SPTBN1: variants seen among roughly 807,000 people sequenced by gnomAD.
The protein encoded by SPTBN1 is spectrin beta chain, non-erythrocytic 1.
In SPTBN1, 32 loss-of-function variants were observed where a neutral mutation model predicts 266.4. That is an observed-to-expected ratio of 0.12 (90% CI 0.09 to 0.16). The LOEUF (loss-of-function observed/expected upper bound fraction) is 0.16. SPTBN1 is among the 10% of genes least tolerant of loss of function. The pLI, the probability that SPTBN1 is intolerant of heterozygous loss-of-function variation, is 1.00. For missense variants in SPTBN1, 2,296 were observed against 3,067.1 expected (o/e 0.75, Z 5.94); for synonymous variants, 1,336 against 1,162.2 (o/e 1.15, Z -3.04).
At position 54,533,274 on chromosome 2, in the gene SPTBN1, C is replaced by A. The variant is rs984391486; in HGVS notation, c.148+6708C>A. Among the ~76,000 whole-genome samples the A allele has an allele frequency of 5.3e-5, 8 of 151,632 alleles. No homozygotes were observed. The highest frequency in any genetic ancestry group is 1.9e-4 in the African/African-American group (8 of 41,220). Reference sequence around the variant, plus strand: ...TGAATTGCCTATTTCTTCAGTTTTTCATTTCATATTTCCAGACCATGGTTG... The same window carrying A: ...TGAATTGCCTATTTCTTCAGTTTTTAATTTCATATTTCCAGACCATGGTTG... On this transcript the variant is annotated intron_variant, in intron 2 of 35. Coordinates refer to ENST00000356805, the MANE Select transcript of SPTBN1 (RefSeq NM_003128.3). The surrounding 1 kb of genome is among the most constrained non-coding windows in gnomAD (Gnocchi z 4.2).
At position 54,659,164 on chromosome 2, in the gene SPTBN1, T is replaced by C; in HGVS notation, c.6254T>C (p.Leu2085Pro). Residue 2085 changes from leucine (L) to proline (P), a missense_variant, in exon 31 of 36, where the codon CTG becomes CCG. Physicochemically the swap from Leu to Pro is moderately conservative, Grantham distance 98. Transcript: ENST00000356805. ...TCTATTTTCTCTTAGTTGGAGTTACTGGAAGTGCGCAGACAGCAAGAGGAA... is the reference window on the plus strand; with the variant it reads ...TCTATTTTCTCTTAGTTGGAGTTACCGGAAGTGCGCAGACAGCAAGAGGAA... ...ALERLTTLEL[L>P]EVRRQQEEEE... 1 of 1,613,970 alleles carries C rather than the reference T, an allele frequency of 6.2e-7. No individual in the cohort carries two copies. The highest frequency in any genetic ancestry group is 8.5e-7 in the Non-Finnish European group (1 of 1,179,932).
At position 54,629,940 on chromosome 2, in the gene SPTBN1, A is replaced by C; in HGVS notation, c.2718A>C (p.Ala906=). 1 of 1,614,156 alleles carries C rather than the reference A, an allele frequency of 6.2e-7. No individual in the cohort carries two copies. The highest frequency in any genetic ancestry group is 1.3e-5 in the African/African-American group (1 of 75,064). The part of the protein sequence containing the change: ...PEMNNQASRV[A]VVNQIARQLM... ...TGAACAACCAGGCTTCCCGGGTTGCAGTGGTGAACCAGATTGCACGCCAGC... is the reference window on the plus strand; with the variant it reads ...TGAACAACCAGGCTTCCCGGGTTGCCGTGGTGAACCAGATTGCACGCCAGC... Residue 906 remains alanine, a synonymous_variant, in exon 15 of 36, where the codon GCA becomes GCC. Coordinates refer to ENST00000356805, the MANE Select transcript of SPTBN1 (RefSeq NM_003128.3).
intron 2 of SPTBN1, chr2:54,529,611 A>C: frequency 1.4e-6 from 1 of 721,738 alleles, no homozygotes; most frequent in South Asian, 1.3e-5. Flanking sequence ...GCCATGAAGA[A>C]GATAAAAGAC....
Position 54,622,409 on chromosome 2 carries a change from A to G in SPTBN1, c.986A>G (p.Lys329Arg). The change falls in exon 9 of 36, where the codon AAA (lysine) becomes AGA (arginine). Residue 329 changes from lysine to arginine, a missense_variant. Physicochemically the swap from Lys to Arg is conservative, Grantham distance 26. Transcript: ENST00000356805. ...ACCATCATCATTCTGAACAATCGCA[A>G]ATTTGCCAATTCACTGGTCGGGGTT... ...EQTIIILNNR[K>R]FANSLVGVQQ... The G allele has an allele frequency of 1.2e-6, 2 of 1,614,160 alleles. No individual in the cohort carries two copies. The highest frequency in any genetic ancestry group is 1.7e-6 in the Non-Finnish European group (2 of 1,180,028).
At position 54,487,170 on chromosome 2, in the gene SPTBN1, C is replaced by CTTT. The variant is rs34779689; in HGVS notation, c.-48+30670_-48+30672dup. 2.5e-3 allele frequency among the ~76,000 whole-genome samples: 249 copies of CTTT among 98,492 alleles called. 3 individuals carry two copies. The highest frequency in any genetic ancestry group is 7.5e-3 in the African/African-American group (174 of 23,330). The allele number at this position is 98,492 out of a possible 152,430, so 64.6% of individuals were successfully genotyped here. On this transcript the variant is annotated intron_variant, in intron 1 of 35. Coordinates refer to ENST00000356805, the MANE Select transcript of SPTBN1 (RefSeq NM_003128.3). Reference sequence around the variant, plus strand: ...TTTTCTGATTTCCTCATTAGGATTTCTTTTTTTTTTTTTTTTTTTTGCTGC... The same window carrying CTTT: ...TTTTCTGATTTCCTCATTAGGATTTCTTTTTTTTTTTTTTTTTTTTTTTGCTGC...
intron 15 of SPTBN1, 137 bp downstream of exon 15, chr2:54,630,166 CCTGCCT>C (rs1678637600): frequency 1.7e-5 from 20 of 1,176,048 alleles, no homozygotes; most frequent in Admixed American, 7.7e-5. Context: ...GGCATTGGCA[CCTGCCT>C]TTTGACATGT....
intron 19 of SPTBN1, 47 bp from the exon 20 acceptor site, chr2:54,644,276 C>G: frequency 6.4e-7 from 1 of 1,570,944 alleles, no homozygotes; most frequent in Non-Finnish European, 8.7e-7. Flanking sequence ...GACATTTTTT[C>G]TGTAGCAAAC....
At chr2:54,652,457 A>G (rs1558471945) in intron 26 of SPTBN1, 1 of 152,142 alleles carries the variant, frequency 6.6e-6, no homozygotes, top group Non-Finnish European at 1.5e-5. Context: ...CTCCTGCTGG[A>G]TGCACCATCA....
At chr2:54,526,885 A>G (rs897425804) in intron 2 of SPTBN1, 3 of 208,210 alleles carry the variant, frequency 1.4e-5, no homozygotes, top group African/African-American at 2.3e-5. Flanking sequence ...ACTATTCCTT[A>G]TACTCAAAAA....
intron 2 of SPTBN1, chr2:54,526,776 G>A (rs1670843289): frequency 6.5e-6 from 3 of 464,822 alleles, no homozygotes; most frequent in Middle Eastern, 5.6e-4. Context: ...ATTATTCAGA[G>A]CACAGAGTGT....
At chr2:54,577,931 GAC>G (rs923207393) in intron 2 of SPTBN1, among the ~76,000 whole-genome samples, 15 of 132,138 alleles carry the variant, frequency 1.1e-4, no homozygotes, top group Middle Eastern at 7.6e-3. Context: ...GATTTGCTGA[GAC>G]TCTCACTCTT....
intron 18 of SPTBN1, among the ~76,000 whole-genome samples, chr2:54,640,393 C>T (rs1263511799): frequency 6.6e-6 from 1 of 151,832 alleles, no homozygotes; most frequent in African/African-American, 2.4e-5. Context: ...TAAGATCCGC[C>T]CCTGTTACCA....
chr2:54,500,392 G>GT lies in SPTBN1; in HGVS notation c.-47-25971dup, dbSNP rs201147767. On this transcript the variant is annotated intron_variant, in intron 1 of 35. Transcript: ENST00000356805. ...TCCCTTTCTTTGAGAGATTTGTTCT[G>GT]TTTTTTTTTCATCTCGATCCACTGT... Among the ~76,000 whole-genome samples, 155 of 150,010 alleles carry GT rather than the reference G, an allele frequency of 1.0e-3. 1 individual carries two copies. Among genetic ancestry groups the GT allele is most frequent in the African/African-American group, 2.7e-3 (111 of 40,806 alleles).
chr2:54,614,796 CAAAAA>C (rs112685418), intron 4 of SPTBN1, among the ~76,000 whole-genome samples: 1 of 119,556 alleles, frequency 8.4e-6, no homozygotes, highest in East Asian at 2.4e-4. Context: ...GAGACTGTCT[CAAAAA>C]AAAAAAAAAG....
At chr2:54,526,225 G>T in intron 1 of SPTBN1, 147 bp from the exon 2 acceptor site, 1 of 593,744 alleles carries the variant, frequency 1.7e-6, no homozygotes. Context: ...TTATGAGACA[G>T]TGCTAAAACC....
intron 29 of SPTBN1, among the ~76,000 whole-genome samples, chr2:54,657,331 G>C (rs1680738767): frequency 6.6e-6 from 1 of 152,192 alleles, no homozygotes; most frequent in Admixed American, 6.5e-5. Context: ...CTGGCTACGT[G>C]TAGATTGTGA....
At chr2:54,492,243 A>C (rs1204685039) in intron 1 of SPTBN1, among the ~76,000 whole-genome samples, 1 of 151,728 alleles carries the variant, frequency 6.6e-6, no homozygotes, top group Non-Finnish European at 1.5e-5. Context: ...ATGCTAAAAA[A>C]TTGTTTTGAA....
chr2:54,489,547 A>G lies in SPTBN1; in HGVS notation c.-48+33029A>G, dbSNP rs1668577627. Reference sequence around the variant, plus strand: ...GAAACCCCGTCTTACTAAAAATACAAAAATTAGCCAGGCGTGGTGGTGTGC... The same window carrying G: ...GAAACCCCGTCTTACTAAAAATACAGAAATTAGCCAGGCGTGGTGGTGTGC... On this transcript the variant is annotated intron_variant, in intron 1 of 35. Coordinates refer to ENST00000356805, the MANE Select transcript of SPTBN1 (RefSeq NM_003128.3). Among the ~76,000 whole-genome samples, 4 of 152,130 alleles carry G rather than the reference A, an allele frequency of 2.6e-5. No homozygotes were observed. The South Asian group carries it at 8.3e-4, about 32-fold the overall frequency.
At chr2:54,608,435 T>C (rs1297337394) in intron 3 of SPTBN1, among the ~76,000 whole-genome samples, 1 of 151,838 alleles carries the variant, frequency 6.6e-6, no homozygotes, top group African/African-American at 2.4e-5. Context: ...CCTTGGAAGG[T>C]AGGTAGGTGT....
Sources: gnomAD v4.1 joint callset for allele counts (sites outside exome capture counted in the v4.1 genomes callset) on GRCh38, gnomAD v4.1.1 for gene constraint, Gnocchi (gnomAD v3.1) non-coding constraint, MANE v1.5 for transcripts, NCBI Gene and HGNC (gene_info 2026-07-23, HGNC 2026-07-21) for gene names.